PLPP4: variants seen among roughly 807,000 people sequenced by gnomAD.
PLPP4 encodes the protein diacylglycerol pyrophosphate like 2.
A neutral mutation model predicts 32.2 loss-of-function variants in PLPP4; 20 were observed. The observed-to-expected ratio is 0.62, with a 90% CI of 0.44 to 0.90. The LOEUF (loss-of-function observed/expected upper bound fraction) is 0.90. Ranked by LOEUF, PLPP4 falls within the 40% of genes least tolerant of loss-of-function variation. PLPP4 has a pLI of 0.00. For missense variants in PLPP4, 257 were observed against 353.1 expected (o/e 0.73, Z 2.18); for synonymous variants, 127 against 133.0 (o/e 0.95, Z 0.31).
At chr10:120,581,031 T>C (rs1169063060) in intron 6 of PLPP4, 2 of 1,289,020 alleles carry the variant, frequency 1.6e-6, no homozygotes, top group Non-Finnish European at 2.0e-6. Flanking sequence ...TAGGAGAGCG[T>C]AAGAAGCCTC....
chr10:120,576,745 C>T (rs1849242251), intron 6 of PLPP4, among the ~76,000 whole-genome samples: 1 of 152,186 alleles, frequency 6.6e-6, no homozygotes, highest in Non-Finnish European at 1.5e-5. Flanking sequence ...TCTGAACCTG[C>T]CCTTGTTCTG....
chr10:120,575,093 C>T, intron 5 of PLPP4, 38 bp from the exon 6 acceptor site: 3 of 1,592,720 alleles, frequency 1.9e-6, no homozygotes, highest in Non-Finnish European at 2.6e-6. Context: ...TGCCACTCAC[C>T]ACCTGCTAGA....
intron 5 of PLPP4, among the ~76,000 whole-genome samples, chr10:120,560,343 A>AG (rs1435547810): frequency 3.2e-4 from 31 of 96,686 alleles, no homozygotes; most frequent in Middle Eastern, 4.9e-3. Flanking sequence ...AAAAAAAAAA[A>AG]AGAAAGAAAA....
chr10:120,464,126 C>G (rs1373568047), intron 1 of PLPP4, among the ~76,000 whole-genome samples: 1 of 152,192 alleles, frequency 6.6e-6, no homozygotes, highest in African/African-American at 2.4e-5. Flanking sequence ...TGCAACTTAC[C>G]TGCTGTGTGA....
At chr10:120,550,829 T>G (rs968015926) in intron 5 of PLPP4, among the ~76,000 whole-genome samples, 1 of 151,988 alleles carries the variant, frequency 6.6e-6, no homozygotes, top group Non-Finnish European at 1.5e-5. Flanking sequence ...TTTGGTACTT[T>G]GGGATAGACA....
At chr10:120,550,464 G>A (rs2133984359) in intron 5 of PLPP4, among the ~76,000 whole-genome samples, 1 of 151,870 alleles carries the variant, frequency 6.6e-6, no homozygotes, top group East Asian at 1.9e-4. Context: ...AAAGGACCTA[G>A]GATAGCCGAA....
chr10:120,556,476 G>A (rs77433900), intron 5 of PLPP4, among the ~76,000 whole-genome samples: 6,487 of 152,268 alleles, frequency 0.043, 180 homozygotes, highest in Admixed American at 0.089. Context: ...TGGGCAGTAG[G>A]CCACATGGTG....
chr10:120,493,303 C>T (rs1466453052), intron 1 of PLPP4, among the ~76,000 whole-genome samples: 1 of 152,138 alleles, frequency 6.6e-6, no homozygotes, highest in African/African-American at 2.4e-5. Context: ...TCCTCTTCCC[C>T]TGTTGGGTCT....
Position 120,533,183 on chromosome 10 carries a change from T to G in PLPP4, c.445+12088T>G, listed in dbSNP as rs144842061. Reference sequence around the variant, plus strand: ...CACAACCTTGACATCATTTGTTATATTCCATCTTTTTTATTATAGCCATGC... The same window carrying G: ...CACAACCTTGACATCATTTGTTATAGTCCATCTTTTTTATTATAGCCATGC... On this transcript the variant is annotated intron_variant, in intron 5 of 6. Transcript: ENST00000398250. Among the ~76,000 whole-genome samples, 643 of 152,318 alleles carry G rather than the reference T, an allele frequency of 4.2e-3. 4 individuals are homozygous for G. The highest frequency in any genetic ancestry group is 0.014 in the African/African-American group (601 of 41,582).
intron 5 of PLPP4, among the ~76,000 whole-genome samples, chr10:120,540,802 A>G (rs1246348444): frequency 1.3e-5 from 2 of 152,234 alleles, no homozygotes; most frequent in Non-Finnish European, 2.9e-5. Flanking sequence ...ATCTGGGACA[A>G]TTACTTCTGA....
chr10:120,580,069 G>A (rs548655860), intron 6 of PLPP4, among the ~76,000 whole-genome samples: 64 of 140,956 alleles, frequency 4.5e-4, no homozygotes, highest in African/African-American at 1.6e-3. Context: ...GCAGCGAGCC[G>A]AGATCATGCC....
At chr10:120,589,245 T>C (rs1049689132) in intron 6 of PLPP4, 58 bp from the exon 7 acceptor site, 1 of 1,524,658 alleles carries the variant, frequency 6.6e-7, no homozygotes, top group Non-Finnish European at 9.1e-7. Context: ...GAAAATATAA[T>C]TGGCCACATT....
intron 5 of PLPP4, among the ~76,000 whole-genome samples, chr10:120,557,236 T>C (rs1848203152): frequency 6.6e-6 from 1 of 152,166 alleles, no homozygotes; most frequent in South Asian, 2.1e-4. Flanking sequence ...AAAAATAAAA[T>C]AGCAATGAAG....
upstream of PLPP4, chr10:120,457,225 G>A: frequency 8.2e-7 from 1 of 1,221,490 alleles, no homozygotes; most frequent in Non-Finnish European, 1.1e-6. Context: ...GCCTCCCAGG[G>A]TCTGGCGAGC....
At chr10:120,552,655 G>A (rs1447519398) in intron 5 of PLPP4, among the ~76,000 whole-genome samples, 1 of 152,206 alleles carries the variant, frequency 6.6e-6, no homozygotes, top group Non-Finnish European at 1.5e-5. Context: ...GTCTTGACAA[G>A]CGGTTTGGCT....
Position 120,575,031 on chromosome 10 carries a change from C to A in PLPP4, c.446-100C>A, listed in dbSNP as rs1440455165. 2.3e-6 allele frequency: 3 copies of A among 1,290,630 alleles called. No individual in the cohort carries two copies. The East Asian group carries it at 7.0e-5, about 30-fold the overall frequency. The allele number at this position is 1,290,630 out of a possible 1,614,324, so 79.9% of individuals were successfully genotyped here. The stretch of plus-strand genomic sequence containing the variant: ...GTGCCTGGTGCCAACATGGCCTTGG[C>A]CTTGGGGGTGTGCAAGACGGCAGAC... On this transcript the variant is annotated intron_variant, in intron 5 of 6. Coordinates refer to ENST00000398250, the MANE Select transcript of PLPP4 (RefSeq NM_001030059.3).
chr10:120,529,831 C>T (rs1361444585), intron 5 of PLPP4, among the ~76,000 whole-genome samples: 1 of 152,186 alleles, frequency 6.6e-6, no homozygotes, highest in Non-Finnish European at 1.5e-5. Flanking sequence ...TTGTGGCACA[C>T]ACCTGTAACC....
intron 5 of PLPP4, among the ~76,000 whole-genome samples, chr10:120,536,091 A>AT (rs1270479901): frequency 6.6e-6 from 1 of 152,132 alleles, no homozygotes; most frequent in Non-Finnish European, 1.5e-5. Context: ...AAGAATCAAT[A>AT]TTGTCAAGAT....
At chr10:120,581,423 A>G (rs1413094431) in intron 6 of PLPP4, 1 of 503,274 alleles carries the variant, frequency 2.0e-6, no homozygotes, top group Non-Finnish European at 2.6e-6. Flanking sequence ...CTGCATTTGG[A>G]ATGTGCCTTT....
Sources: gnomAD v4.1 joint callset for allele counts (sites outside exome capture counted in the v4.1 genomes callset) on GRCh38, gnomAD v4.1.1 for gene constraint, MANE v1.5 for transcripts, NCBI Gene and HGNC (gene_info 2026-07-23, HGNC 2026-07-21) for gene names.